TRPC6: variants seen among roughly 807,000 people sequenced by gnomAD.
TRPC6 encodes transient receptor potential cation channel subfamily C member 6, also known as short transient receptor potential channel 6.
A neutral mutation model predicts 90.7 loss-of-function variants in TRPC6; 55 were observed. That is an observed-to-expected ratio of 0.61 (90% CI 0.49 to 0.76). TRPC6 has a LOEUF of 0.76. TRPC6 is among the 30% of genes least tolerant of loss of function. The pLI is 0.00. For synonymous variants in TRPC6, 393 were observed against 393.0 expected, an observed-to-expected ratio of 1.00 and a Z score of 0.00; for missense variants, 989 against 1,122.7, an observed-to-expected ratio of 0.88 and a Z score of 1.70.
intron 1 of TRPC6, among the ~76,000 whole-genome samples, chr11:101,550,591 T>C (rs1299997499): frequency 6.6e-6 from 1 of 151,744 alleles, no homozygotes; most frequent in African/African-American, 2.4e-5. Context: ...CAGCAAAATC[T>C]GTAACATTTG....
intron 1 of TRPC6, among the ~76,000 whole-genome samples, chr11:101,563,166 C>T (rs927111681): frequency 6.6e-6 from 1 of 152,144 alleles, no homozygotes; most frequent in Non-Finnish European, 1.5e-5. Context: ...GTGGTGGCTA[C>T]ATTGGGCAGA....
chr11:101,472,905 T>TATAC (rs1859326791), intron 7 of TRPC6, among the ~76,000 whole-genome samples: 1 of 152,090 alleles, frequency 6.6e-6, no homozygotes, highest in Non-Finnish European at 1.5e-5. Flanking sequence ...TACATTTCAG[T>TATAC]TGTTGCTTCT....
chr11:101,569,025 G>T (rs1861896485), intron 1 of TRPC6, among the ~76,000 whole-genome samples: 1 of 152,146 alleles, frequency 6.6e-6, no homozygotes, highest in Non-Finnish European at 1.5e-5. Flanking sequence ...GACCTTAAAT[G>T]TAAACAGGCT....
rs1472057420 is a variant in TRPC6, at chr11:101,508,609, C to T, written c.171-3811G>A. 3.3e-5 allele frequency among the ~76,000 whole-genome samples: 5 copies of T among 152,072 alleles called. No individual in the cohort carries two copies. In the South Asian group the frequency reaches 6.2e-4, roughly 19 times the overall value. ...CTTATCTTCTGTATTTATTGCTTTGCGTAGTTTCTATTGTAGACAAGAGGA... is the reference window on the plus strand; with the variant it reads ...CTTATCTTCTGTATTTATTGCTTTGTGTAGTTTCTATTGTAGACAAGAGGA... On this transcript the variant is annotated intron_variant, in intron 1 of 12. Coordinates refer to ENST00000344327, the MANE Select transcript of TRPC6 (RefSeq NM_004621.6).
intron 1 of TRPC6, among the ~76,000 whole-genome samples, chr11:101,554,737 T>C (rs988771071): frequency 5.9e-5 from 9 of 152,222 alleles, no homozygotes; most frequent in African/African-American, 1.7e-4. Flanking sequence ...AAATTCTTTA[T>C]TAACTAAAAG....
At position 101,452,977 on chromosome 11, in the gene TRPC6, T is replaced by A. The variant is rs1181607976; in HGVS notation, c.2774A>T (p.Asn925Ile). The stretch of plus-strand genomic sequence containing the variant: ...GCATTATCTATTGGTTTCCTCTTGA[T>A]TTGGTTCCATGGATAATTTCTCTCC... The part of the protein sequence containing the change: ...ELGEKLSMEP[N>I]QEETNR Residue 925 changes from asparagine to isoleucine, a missense_variant, in exon 13 of 13, where the codon AAT (asparagine) becomes ATT (isoleucine). Asn to Ile is a moderately radical substitution (Grantham distance 149). Transcript: ENST00000344327. 6.2e-7 allele frequency: 1 copy of A among 1,613,808 alleles called. No homozygotes were observed. Among genetic ancestry groups the A allele is most frequent in the Non-Finnish European group, 8.5e-7 (1 of 1,179,864 alleles).
At position 101,466,780 on chromosome 11, in the gene TRPC6, A is replaced by C. The variant is rs200102337; in HGVS notation, c.2484+2647T>G. The stretch of plus-strand genomic sequence containing the variant: ...GGGAAAAAACAAACAAACAAAAAAA[A>C]CTCCTGCAGCTAGTTCAGTGTCTGC... On this transcript the variant is annotated intron_variant, in intron 10 of 12. Transcript: ENST00000344327. Among the ~76,000 whole-genome samples, 20 of 151,766 alleles carry C rather than the reference A, an allele frequency of 1.3e-4. No homozygotes were observed. The East Asian group carries it at 1.6e-3, about 12-fold the overall frequency.
intron 1 of TRPC6, among the ~76,000 whole-genome samples, chr11:101,569,521 A>T (rs1169760559): frequency 6.6e-6 from 1 of 152,186 alleles, no homozygotes; most frequent in Non-Finnish European, 1.5e-5. Context: ...ATCAGACCTA[A>T]TAGACATCTA....
intron 9 of TRPC6, among the ~76,000 whole-genome samples, chr11:101,470,823 C>T (rs1486724602): frequency 8.5e-6 from 1 of 117,990 alleles, no homozygotes; most frequent in East Asian, 3.1e-4. Flanking sequence ...CCCCCCTCCC[C>T]GAGTCATAAC....
chr11:101,491,074 A>C (rs1859793352), intron 3 of TRPC6, among the ~76,000 whole-genome samples: 1 of 152,210 alleles, frequency 6.6e-6, no homozygotes, highest in African/African-American at 2.4e-5. Context: ...AAAGACTGGC[A>C]TTTAGTGTAG....
chr11:101,500,749 C>CTA (rs1382084470), intron 2 of TRPC6, among the ~76,000 whole-genome samples: 1 of 151,814 alleles, frequency 6.6e-6, no homozygotes, highest in African/African-American at 2.4e-5. Flanking sequence ...ATAATAAAAG[C>CTA]TATAATATGA....
chr11:101,516,147 A>C (rs992353168), intron 1 of TRPC6, among the ~76,000 whole-genome samples: 18 of 149,590 alleles, frequency 1.2e-4, no homozygotes, highest in African/African-American at 3.0e-4. Flanking sequence ...TCCCCTCCCC[A>C]AAAACTGTGA....
At chr11:101,483,301 G>GTGAT in intron 4 of TRPC6, 136 bp from the exon 5 acceptor site, 1 of 1,096,958 alleles carries the variant, frequency 9.1e-7, no homozygotes, top group Non-Finnish European at 1.3e-6. Flanking sequence ...TATGTAATTC[G>GTGAT]TGATAGAGTA....
intron 1 of TRPC6, among the ~76,000 whole-genome samples, chr11:101,581,048 C>T (rs1454405965): frequency 6.6e-6 from 1 of 152,146 alleles, no homozygotes; most frequent in African/African-American, 2.4e-5. Context: ...ACTATAGAAC[C>T]TTTTGGAAAT....
At chr11:101,563,498 C>T (rs946108835) in intron 1 of TRPC6, among the ~76,000 whole-genome samples, 14 of 151,964 alleles carry the variant, frequency 9.2e-5, no homozygotes, top group African/African-American at 3.4e-4. Flanking sequence ...GAAAACATTA[C>T]AAAAAATGTT....
At chr11:101,519,348 A>G (rs1262005084) in intron 1 of TRPC6, among the ~76,000 whole-genome samples, 1 of 152,172 alleles carries the variant, frequency 6.6e-6, no homozygotes, top group Non-Finnish European at 1.5e-5. Flanking sequence ...TTTAAAAATA[A>G]TTTTAAAAAA....
chr11:101,516,985 T>C (rs1591104381), intron 1 of TRPC6, among the ~76,000 whole-genome samples: 1 of 152,374 alleles, frequency 6.6e-6, no homozygotes, highest in Non-Finnish European at 1.5e-5. Flanking sequence ...GCCCACATTT[T>C]TTTAAAACCA....
At chr11:101,488,528 A>G (rs1379374842) in intron 4 of TRPC6, among the ~76,000 whole-genome samples, 1 of 152,236 alleles carries the variant, frequency 6.6e-6, no homozygotes, top group African/African-American at 2.4e-5. Flanking sequence ...GAGGAGAAAC[A>G]GAAAAAGTGT....
chr11:101,478,840 A>C (rs977324630), intron 5 of TRPC6, among the ~76,000 whole-genome samples: 1 of 152,176 alleles, frequency 6.6e-6, no homozygotes, highest in Non-Finnish European at 1.5e-5. Context: ...ACAGGTAGCA[A>C]ATGAGTCAGC....
Sources: allele counts gnomAD v4.1 joint callset (sites outside exome capture counted in the v4.1 genomes callset), GRCh38; gene constraint gnomAD v4.1.1; transcripts MANE v1.5; gene names NCBI Gene and HGNC (gene_info 2026-07-23, HGNC 2026-07-21).